The following EEFSEC variants were observed in gnomAD, a reference collection of about 807,000 sequenced individuals.
The protein encoded by EEFSEC is selenocysteine-specific elongation factor.
EEFSEC carries 43 observed loss-of-function variants against 42.1 expected under a neutral mutation model. That is an observed-to-expected ratio of 1.02 (90% CI 0.80 to 1.32). The LOEUF is 1.32. Among genes scored for constraint, EEFSEC ranks in the 40% most tolerant of loss-of-function variants. The probability of loss-of-function intolerance (pLI) is 0.00; values close to 1 mark genes in which losing one functional copy is unlikely to be tolerated. For missense variants in EEFSEC, 745 were observed against 803.6 expected (o/e 0.93, Z 0.88); for synonymous variants, 354 against 339.1 (o/e 1.04, Z -0.48).
At chr3:128,374,581 G>A (rs533091512) in intron 6 of EEFSEC, among the ~76,000 whole-genome samples, 72 of 152,120 alleles carry the variant, frequency 4.7e-4, no homozygotes, top group Non-Finnish European at 7.8e-4. Flanking sequence ...ACTAATTGTG[G>A]CTCAATAAAG....
intron 1 of EEFSEC, among the ~76,000 whole-genome samples, chr3:128,246,262 G>T (rs748672444): frequency 2.6e-5 from 4 of 151,796 alleles, no homozygotes; most frequent in Non-Finnish European, 4.4e-5. Context: ...GCACACAAAT[G>T]TTCAGTACTT....
rs553604516 is a variant in EEFSEC at position 128,400,558 on chromosome 3, C to T, written c.1601-7511C>T. ...AACCCTCTCCAAAACTGCTTGTTTA[C>T]AGCAGTGGGTAGTGCTGGAGTGACT... On this transcript the variant is annotated intron_variant, in intron 6 of 6. Transcript: ENST00000254730. Among the ~76,000 whole-genome samples, 10 of 152,344 alleles carry T rather than the reference C, an allele frequency of 6.6e-5. No homozygotes were observed. In the East Asian group the frequency reaches 1.9e-3, roughly 29 times the overall value.
chr3:128,272,405 C>T (rs1012432635), intron 4 of EEFSEC, among the ~76,000 whole-genome samples: 1 of 152,184 alleles, frequency 6.6e-6, no homozygotes, highest in African/African-American at 2.4e-5. Flanking sequence ...TTCTCCTTCA[C>T]TGGACATTGA....
chr3:128,319,953 A>G (rs1312625682), intron 4 of EEFSEC, among the ~76,000 whole-genome samples: 2 of 152,246 alleles, frequency 1.3e-5, no homozygotes, highest in East Asian at 3.8e-4. Context: ...TGCTGGCAGC[A>G]CAGGTTTGGC....
chr3:128,184,587 A>T (rs1351907669), intron 1 of EEFSEC, among the ~76,000 whole-genome samples: 1 of 152,180 alleles, frequency 6.6e-6, no homozygotes, highest in Non-Finnish European at 1.5e-5. Flanking sequence ...AGTATCTATC[A>T]GTATATTTAT....
chr3:128,202,727 G>A (rs1041666267), intron 1 of EEFSEC, among the ~76,000 whole-genome samples: 6 of 152,118 alleles, frequency 3.9e-5, no homozygotes, highest in Non-Finnish European at 5.9e-5. Flanking sequence ...TCCTTGCCTC[G>A]TTCTGATCAT....
chr3:128,310,726 C>T (rs943408046), intron 4 of EEFSEC, among the ~76,000 whole-genome samples: 27 of 152,228 alleles, frequency 1.8e-4, no homozygotes, highest in Admixed American at 2.0e-4. Flanking sequence ...TTTTTATTTT[C>T]CTTTTCACTT....
chr3:128,235,214 A>G (rs1576568281), intron 1 of EEFSEC, among the ~76,000 whole-genome samples: 1 of 146,420 alleles, frequency 6.8e-6, no homozygotes, highest in Non-Finnish European at 1.5e-5. Context: ...ACAGGTGCAC[A>G]CCACCACACC....
intron 1 of EEFSEC, among the ~76,000 whole-genome samples, chr3:128,208,497 C>T (rs2065723776): frequency 6.6e-6 from 1 of 152,160 alleles, no homozygotes; most frequent in Non-Finnish European, 1.5e-5. Flanking sequence ...CACCTTCAAC[C>T]TGAAGAATGT....
the EEFSEC span, among the ~76,000 whole-genome samples, chr3:128,424,787 C>G: frequency 6.6e-6 from 1 of 152,106 alleles, no homozygotes; most frequent in African/African-American, 2.4e-5. Flanking sequence ...AAACTACTGA[C>G]GCACGCAACA....
chr3:128,278,621 GGC>G (rs1365284719), intron 4 of EEFSEC, among the ~76,000 whole-genome samples: 2 of 152,244 alleles, frequency 1.3e-5, no homozygotes, highest in East Asian at 3.8e-4. Flanking sequence ...TGGGGCCTCT[GGC>G]TAGAAAAGAA....
intron 4 of EEFSEC, among the ~76,000 whole-genome samples, chr3:128,316,427 C>T (rs193217529): frequency 1.9e-3 from 293 of 152,288 alleles, no homozygotes; most frequent in Middle Eastern, 6.8e-3. Context: ...CGATGCCTAC[C>T]GCTCTCCCCC....
chr3:128,275,317 G>A (rs2811529), intron 4 of EEFSEC, among the ~76,000 whole-genome samples: 83,874 of 152,090 alleles, frequency 0.55, 27,030 homozygotes, highest in Non-Finnish European at 0.73. Context: ...CCACAAAGGA[G>A]TATCTGATCT....
intron 6 of EEFSEC, among the ~76,000 whole-genome samples, chr3:128,405,116 A>T (rs2068094245): frequency 6.6e-6 from 1 of 150,782 alleles, no homozygotes; most frequent in South Asian, 2.1e-4. Flanking sequence ...TCCCTGGTTC[A>T]TGCCATTCTC....
intron 1 of EEFSEC, among the ~76,000 whole-genome samples, chr3:128,240,194 G>A (rs1174592059): frequency 1.3e-5 from 2 of 152,200 alleles, no homozygotes; most frequent in African/African-American, 4.8e-5. Context: ...GTGTTTGCCT[G>A]GGGTCTGCCT....
intron 4 of EEFSEC, among the ~76,000 whole-genome samples, chr3:128,281,294 G>A (rs916473456): frequency 2.0e-5 from 3 of 152,208 alleles, no homozygotes; most frequent in African/African-American, 7.2e-5. Flanking sequence ...GCTCCTCCAT[G>A]GCCCAGCTTT....
At chr3:128,222,845 C>G (rs1293893156) in intron 1 of EEFSEC, among the ~76,000 whole-genome samples, 2 of 152,182 alleles carry the variant, frequency 1.3e-5, no homozygotes, top group African/African-American at 4.8e-5. Context: ...GTCTTTGTCC[C>G]AGGTTCCTGG....
intron 2 of EEFSEC, 99 bp downstream of exon 2, chr3:128,247,142 C>A (rs761646976): frequency 8.0e-7 from 1 of 1,255,718 alleles, no homozygotes; most frequent in Non-Finnish European, 1.1e-6. Context: ...AGGTGTCAGC[C>A]TCCCGTCCTA....
intron 6 of EEFSEC, among the ~76,000 whole-genome samples, chr3:128,397,677 C>T (rs919051191): frequency 3.3e-5 from 5 of 152,282 alleles, no homozygotes; most frequent in African/African-American, 7.2e-5. Context: ...TGCACAGGCT[C>T]ACCTTCCGGA....
Sources: gnomAD v4.1 joint callset for allele counts (sites outside exome capture counted in the v4.1 genomes callset) on GRCh38, gnomAD v4.1.1 for gene constraint, MANE v1.5 for transcripts, NCBI Gene and HGNC (gene_info 2026-07-23, HGNC 2026-07-21) for gene names.